The following CHN2 variants were observed in gnomAD, a reference collection of about 807,000 sequenced individuals.
The protein encoded by CHN2 is chimerin 2.
In CHN2, 35 loss-of-function variants were observed where a neutral mutation model predicts 56.3. The ratio of observed to expected loss-of-function variants is 0.62; its 90% CI spans 0.47 to 0.82. The LOEUF is 0.82. Ranked by LOEUF, CHN2 falls within the 40% of genes least tolerant of loss-of-function variation. The pLI is 0.00. For missense variants in CHN2, 491 were observed against 580.5 expected (o/e 0.85, Z 1.58); for synonymous variants, 210 against 212.8 (o/e 0.99, Z 0.12).
At chr7:29,364,852 T>C (rs1799022444) in intron 2 of CHN2, among the ~76,000 whole-genome samples, 1 of 152,262 alleles carries the variant, frequency 6.6e-6, no homozygotes, top group Non-Finnish European at 1.5e-5. Context: ...GTCTTTCTTT[T>C]TATTCCCTGA....
intron 1 of CHN2, among the ~76,000 whole-genome samples, chr7:29,262,849 A>T (rs1222028650): frequency 6.6e-6 from 1 of 152,216 alleles, no homozygotes; most frequent in African/African-American, 2.4e-5. Flanking sequence ...CTAGGTGATG[A>T]TGGGTTGACA....
At chr7:29,506,259 G>T (rs1790554708) in intron 10 of CHN2, among the ~76,000 whole-genome samples, 1 of 152,144 alleles carries the variant, frequency 6.6e-6, no homozygotes, top group Non-Finnish European at 1.5e-5. Context: ...CTGATCCTTT[G>T]TACTGCCTAC....
At chr7:29,284,989 A>G (rs1792032203) in intron 1 of CHN2, among the ~76,000 whole-genome samples, 1 of 152,156 alleles carries the variant, frequency 6.6e-6, no homozygotes, top group South Asian at 2.1e-4. Context: ...CCAGTTGTTT[A>G]ATCAAACTTT....
intron 7 of CHN2, among the ~76,000 whole-genome samples, chr7:29,492,492 AT>A (rs1307320640): frequency 6.6e-6 from 1 of 151,902 alleles, no homozygotes; most frequent in African/African-American, 2.4e-5. Context: ...AAACTCCATC[AT>A]TTCTCAACTT....
chr7:29,308,194 T>C (rs1250801942), intron 1 of CHN2, among the ~76,000 whole-genome samples: 1 of 152,182 alleles, frequency 6.6e-6, no homozygotes, highest in Non-Finnish European at 1.5e-5. Flanking sequence ...TATGTTACGC[T>C]GCACTCTCTC....
At chr7:29,356,726 C>T (rs1194189724) in intron 2 of CHN2, among the ~76,000 whole-genome samples, 1 of 152,224 alleles carries the variant, frequency 6.6e-6, no homozygotes, top group African/African-American at 2.4e-5. Context: ...TGCTGGGTCT[C>T]TAAGGGCCCT....
intron 1 of CHN2, among the ~76,000 whole-genome samples, chr7:29,208,570 A>T (rs1252795827): frequency 6.6e-6 from 1 of 152,054 alleles, no homozygotes; most frequent in Non-Finnish European, 1.5e-5. Context: ...TTCCCCTGAC[A>T]TATCAGATTT....
intron 5 of CHN2, among the ~76,000 whole-genome samples, chr7:29,398,793 G>A (rs892532646): frequency 2.7e-5 from 4 of 148,232 alleles, no homozygotes; most frequent in African/African-American, 7.5e-5. Flanking sequence ...AAGAGAATGG[G>A]GTCTCACCAT....
Position 29,196,363 on chromosome 7 carries a change from T to TTCTATATCTATA in CHN2, c.49+1377_49+1378insTATCTATATCTA, listed in dbSNP as rs977254673. On this transcript the variant is annotated intron_variant, in intron 1 of 12. Transcript: ENST00000222792. The stretch of plus-strand genomic sequence containing the variant: ...GTTAGGTGTGTGATATAGTTCAAGT[T>TTCTATATCTATA]TCTAGTAGTGGCAGCCAATGGGGCA... 9.2e-5 allele frequency among the ~76,000 whole-genome samples: 14 copies of TTCTATATCTATA among 152,286 alleles called. 1 individual carries two copies. The South Asian group carries it at 2.5e-3, about 27-fold the overall frequency.
At chr7:29,494,276 CT>C (rs376653261) in intron 7 of CHN2, among the ~76,000 whole-genome samples, 11 of 149,220 alleles carry the variant, frequency 7.4e-5, no homozygotes, top group African/African-American at 2.0e-4. Context: ...CCTTTTTATA[CT>C]TTTTTTTTTC....
intron 1 of CHN2, among the ~76,000 whole-genome samples, chr7:29,265,678 GCT>G (rs577460759): frequency 3.0e-4 from 46 of 152,156 alleles, no homozygotes; most frequent in African/African-American, 1.0e-3. Context: ...AGAGAAGAGG[GCT>G]CTCTCTCTGG....
intron 1 of CHN2, among the ~76,000 whole-genome samples, chr7:29,333,383 G>T (rs562013256): frequency 6.6e-6 from 1 of 152,304 alleles, no homozygotes; most frequent in Non-Finnish European, 1.5e-5. Flanking sequence ...TCAGAGTCTT[G>T]TTCTCAGAAA....
chr7:29,177,022 AAG>A lies in CHN2; in HGVS notation c.274+30067_274+30068del, dbSNP rs566466574. On this transcript the variant is annotated intron_variant, in intron 2 of 6. Coordinates refer to the CHN2 transcript ENST00000439384. ...TCATTTAATACAAAAGAAAGCAAGA[AAG>A]AGAGGGGAAAAAATATAGATGGAAG... is the stretch of plus-strand genomic sequence containing the variant. Among the ~76,000 whole-genome samples the A allele has an allele frequency of 7.7e-3, 1,166 of 152,200 alleles. 5 individuals are homozygous for A. Among genetic ancestry groups the A allele is most frequent in the Non-Finnish European group, 0.012 (828 of 68,024 alleles).
At chr7:29,157,102 A>G (rs1794483775) in intron 2 of CHN2, among the ~76,000 whole-genome samples, 1 of 152,170 alleles carries the variant, frequency 6.6e-6, no homozygotes, top group Non-Finnish European at 1.5e-5. Context: ...AAAAGGCTTG[A>G]TGATTGCTGA....
intron 6 of CHN2, among the ~76,000 whole-genome samples, chr7:29,451,988 T>C (rs1182781860): frequency 1.3e-5 from 2 of 152,192 alleles, no homozygotes; most frequent in Admixed American, 1.3e-4. Flanking sequence ...ACACCACCCG[T>C]GGAGGACAGC....
At chr7:29,247,127 G>T (rs74580045) in intron 1 of CHN2, among the ~76,000 whole-genome samples, 3,218 of 152,224 alleles carry the variant, frequency 0.021, 54 homozygotes, top group Non-Finnish European at 0.036. Flanking sequence ...AGATGGATGG[G>T]ATTTCATCAG....
intron 2 of CHN2, among the ~76,000 whole-genome samples, chr7:29,362,944 A>G (rs1798855361): frequency 6.6e-6 from 1 of 152,228 alleles, no homozygotes. Flanking sequence ...GTGTTCACAA[A>G]GCCACTTGAG....
At chr7:29,201,576 T>C (rs1016211606) in intron 1 of CHN2, among the ~76,000 whole-genome samples, 1 of 152,236 alleles carries the variant, frequency 6.6e-6, no homozygotes, top group Non-Finnish European at 1.5e-5. Flanking sequence ...AGGTCTGCCC[T>C]GTGTATAGCT....
intron 7 of CHN2, among the ~76,000 whole-genome samples, chr7:29,489,715 T>C (rs540649150): frequency 1.3e-4 from 20 of 152,320 alleles, no homozygotes; most frequent in African/African-American, 4.6e-4. Flanking sequence ...GTGGGGACAC[T>C]GGGTGCTACT....
Sources: allele counts gnomAD v4.1 joint callset (sites outside exome capture counted in the v4.1 genomes callset), GRCh38; gene constraint gnomAD v4.1.1; transcripts MANE v1.5; gene names NCBI Gene and HGNC (gene_info 2026-07-23, HGNC 2026-07-21).